CLTCL1: variants seen among roughly 807,000 people sequenced by gnomAD.
CLTCL1 encodes clathrin heavy chain 2.
Under a neutral mutation model 190.0 loss-of-function variants are expected in CLTCL1, and 159 were observed. That is an observed-to-expected ratio of 0.84 (90% CI 0.74 to 0.95). The LOEUF is 0.95. Ranked by LOEUF, CLTCL1 falls within the 40% of genes least tolerant of loss-of-function variation. The pLI is 0.00. For synonymous variants in CLTCL1, 752 were observed against 769.6 expected (o/e 0.98, Z 0.38); for missense variants, 1,878 against 2,033.4 (o/e 0.92, Z 1.47).
At chr22:19,287,664 G>A (rs2087956242) in intron 1 of CLTCL1, among the ~76,000 whole-genome samples, 2 of 152,120 alleles carry the variant, frequency 1.3e-5, no homozygotes, top group African/African-American at 4.8e-5. Flanking sequence ...GGGGAGGGAT[G>A]GCATAGTTTA....
chr22:19,252,656 A>T (rs1308833172), intron 3 of CLTCL1, among the ~76,000 whole-genome samples: 4 of 152,230 alleles, frequency 2.6e-5, no homozygotes, highest in Non-Finnish European at 5.9e-5. Flanking sequence ...AATGACGAAG[A>T]TCTATGTCCC....
chr22:19,250,314 C>A (rs1315277598), intron 3 of CLTCL1, among the ~76,000 whole-genome samples: 2 of 148,550 alleles, frequency 1.3e-5, no homozygotes, highest in African/African-American at 4.9e-5. Context: ...CATCACTTTT[C>A]TGGGACTCAT....
chr22:19,195,419 G>T (rs111387535), intron 26 of CLTCL1, among the ~76,000 whole-genome samples: 3 of 152,164 alleles, frequency 2.0e-5, no homozygotes, highest in Non-Finnish European at 4.4e-5. Flanking sequence ...GAGGCTGAAG[G>T]CCTCACCTGG....
chr22:19,197,661 A>T (rs1457115826), intron 24 of CLTCL1, among the ~76,000 whole-genome samples: 1 of 152,016 alleles, frequency 6.6e-6, no homozygotes, highest in Non-Finnish European at 1.5e-5. Flanking sequence ...TCCAGCCACC[A>T]TCAGGCTGAG....
intron 22 of CLTCL1, among the ~76,000 whole-genome samples, chr22:19,205,605 A>C (rs565156841): frequency 2.0e-5 from 3 of 152,328 alleles, no homozygotes; most frequent in South Asian, 2.1e-4. Context: ...TATAGGTAAA[A>C]CTATGTGGAT....
At chr22:19,264,961 G>C (rs1196315839) in intron 2 of CLTCL1, among the ~76,000 whole-genome samples, 2 of 152,050 alleles carry the variant, frequency 1.3e-5, no homozygotes, top group Non-Finnish European at 2.9e-5. Flanking sequence ...GCAAATTTTT[G>C]TATTTTTAGT....
intron 2 of CLTCL1, 87 bp downstream of exon 2, chr22:19,275,536 G>T (rs2087470961): frequency 1.5e-6 from 2 of 1,348,372 alleles, no homozygotes; most frequent in South Asian, 2.6e-5. Flanking sequence ...ACTTCGCCAT[G>T]AGCTTAGTGA....
Position 19,234,598 on chromosome 22 carries a change from C to G in CLTCL1, c.1078G>C (p.Ala360Pro). ...RLAVRSNLAG[A>P]EKLFVRKFNT... Reference sequence around the variant, plus strand: ...AATTTTCTCACAAACAACTTCTCTGCCCCAGCCAGGTTACTACGAACGGCC... The same window carrying G: ...AATTTTCTCACAAACAACTTCTCTGGCCCAGCCAGGTTACTACGAACGGCC... The change falls in exon 7 of 33, where the codon GCA (alanine) becomes CCA (proline). Residue 360 changes from alanine (A) to proline (P), a missense_variant. By Grantham distance (27) the Ala-to-Pro change is conservative (BLOSUM62 -1). Transcript: ENST00000427926. 6.2e-7 allele frequency: 1 copy of G among 1,614,026 alleles called. No homozygotes were observed. Among genetic ancestry groups the G allele is most frequent in the South Asian group, 1.1e-5 (1 of 91,086 alleles).
At chr22:19,284,869 C>T (rs782034917) in intron 1 of CLTCL1, among the ~76,000 whole-genome samples, 3 of 152,154 alleles carry the variant, frequency 2.0e-5, no homozygotes, top group Non-Finnish European at 4.4e-5. Context: ...CCAGGAGAAT[C>T]GCTTGAACCG....
In CLTCL1 at chr22:19,291,584, G is replaced by C. The variant is rs11704281; in HGVS notation, c.42+16C>G. The C allele has an allele frequency of 2.0e-3, 2,699 of 1,373,122 alleles. 2 individuals are homozygous for C. The highest frequency in any genetic ancestry group is 2.5e-3 in the Non-Finnish European group (2,611 of 1,049,758). 85.1% of individuals were successfully genotyped at this position (1,373,122 alleles called of 1,614,324 possible). A position where few individuals can be genotyped will look rare whatever the true frequency, so the allele number is the denominator to read the frequency against. On this transcript the variant is annotated intron_variant, in intron 1 of 32. Transcript: ENST00000427926. ...GCGCGGCTGACAGGGCAGCCCCCCA[G>C]CCCGCCGGGCCTCACCTGGAAGTGC...
chr22:19,271,684 A>G (rs577233155), intron 2 of CLTCL1, among the ~76,000 whole-genome samples: 1 of 152,160 alleles, frequency 6.6e-6, no homozygotes, highest in Non-Finnish European at 1.5e-5. Context: ...CCAACACACA[A>G]TGTTTCATAA....
chr22:19,234,670 T>G lies in CLTCL1; in HGVS notation c.1006A>C (p.Asn336His), dbSNP rs1555961044. Residue 336 changes from asparagine (N) to histidine (H), a missense_variant, in exon 7 of 33, where the codon AAT becomes CAT. Transcript: ENST00000427926. ...SVCVEEDNIVNYATNVLQNPD... is the reference protein window; with the variant it reads ...SVCVEEDNIVHYATNVLQNPD... ...TTCTGAAGCACGTTGGTTGCATAAT[T>G]CACAATGTTATCTTCCTCAACACAA... The G allele has an allele frequency of 1.9e-6, 3 of 1,613,988 alleles. No individual in the cohort carries two copies. The South Asian group carries it at 3.3e-5, about 18-fold the overall frequency.
intron 21 of CLTCL1, 151 bp downstream of exon 21, chr22:19,208,771 G>GTGGTCGCCGT: frequency 1.6e-6 from 1 of 644,806 alleles, no homozygotes; most frequent in South Asian, 2.4e-5. Flanking sequence ...GTTTATCTCA[G>GTGGTCGCCGT]ACTCTTGTGG....
At position 19,196,394 on chromosome 22, in the gene CLTCL1, C is replaced by T. The variant is rs1555935642; in HGVS notation, c.4063G>A (p.Ala1355Thr). 8.7e-6 allele frequency: 14 copies of T among 1,614,038 alleles called. No individual in the cohort carries two copies. The South Asian group carries it at 1.4e-4, about 16-fold the overall frequency. ...IPKVLRAAEQAHLWAELVFLY... is the reference protein window; with the variant it reads ...IPKVLRAAEQTHLWAELVFLY... ...AACACCAGCTCAGCCCACAGGTGTG[C>T]CTGCTCTGCAGCCCTCAGCACCTGG... The change falls in exon 26 of 33, where the codon GCA becomes ACA. Residue 1355 changes from alanine (A) to threonine (T), a missense_variant. By Grantham distance (58) the Ala-to-Thr change is moderately conservative. Transcript: ENST00000427926.
intron 2 of CLTCL1, among the ~76,000 whole-genome samples, chr22:19,271,202 T>C (rs1555980521): frequency 6.6e-6 from 1 of 152,112 alleles, no homozygotes. Context: ...AAGAGATACA[T>C]ATAAATACTG....
intron 30 of CLTCL1, 181 bp downstream of exon 30, chr22:19,183,209 G>A (rs1199010428): frequency 8.4e-6 from 5 of 597,100 alleles, no homozygotes; most frequent in Admixed American, 3.0e-5. Context: ...GGGGCTTAAC[G>A]TTGGGCAGAA....
intron 1 of CLTCL1, among the ~76,000 whole-genome samples, chr22:19,285,039 G>T (rs1050211936): frequency 6.6e-6 from 1 of 152,156 alleles, no homozygotes; most frequent in Non-Finnish European, 1.5e-5. Flanking sequence ...ACTTTGGGAG[G>T]CCGAGGCAGG....
At position 19,241,982 on chromosome 22, in the gene CLTCL1, G is replaced by A. The variant is rs12166994; in HGVS notation, c.681+793C>T. Reference sequence around the variant, plus strand: ...TTTGGAGATGGAGTCTCGCTCTGTCGCCCAGGCTGGAGTGCAGTGGCGCGA... The same window carrying A: ...TTTGGAGATGGAGTCTCGCTCTGTCACCCAGGCTGGAGTGCAGTGGCGCGA... On this transcript the variant is annotated intron_variant, in intron 4 of 32. Coordinates refer to ENST00000427926, the MANE Select transcript of CLTCL1 (RefSeq NM_007098.4). 4.9e-3 allele frequency among the ~76,000 whole-genome samples: 700 copies of A among 142,322 alleles called. 5 individuals carry two copies. The highest frequency in any genetic ancestry group is 0.017 in the African/African-American group (634 of 38,024). 93.4% of individuals were successfully genotyped at this position (142,322 alleles called of 152,430 possible).
chr22:19,220,042 G>C, intron 17 of CLTCL1, 35 bp from the exon 18 acceptor site: 1 of 1,612,830 alleles, frequency 6.2e-7, no homozygotes, highest in South Asian at 1.1e-5. Context: ...TGACACAGCA[G>C]CCAACCAGCG....
Sources: allele counts gnomAD v4.1 joint callset (sites outside exome capture counted in the v4.1 genomes callset), GRCh38; gene constraint gnomAD v4.1.1; transcripts MANE v1.5; gene names NCBI Gene and HGNC (gene_info 2026-07-23, HGNC 2026-07-21).